ROBO2: variants seen among roughly 807,000 people sequenced by gnomAD.
ROBO2 encodes the protein roundabout homolog 2.
A neutral mutation model predicts 160.8 loss-of-function variants in ROBO2; 53 were observed. The observed-to-expected ratio is 0.33, with a 90% CI of 0.26 to 0.41. ROBO2 has a LOEUF of 0.41. Ranked by LOEUF, ROBO2 falls within the 10% of genes least tolerant of loss-of-function variation. The probability of loss-of-function intolerance (pLI) is 1.00; values close to 1 mark genes in which losing one functional copy is unlikely to be tolerated. For synonymous variants in ROBO2, 664 were observed against 611.7 expected (o/e 1.09, Z -1.26); for missense variants, 1,577 against 1,722.4 (o/e 0.92, Z 1.49).
intron 2 of ROBO2, among the ~76,000 whole-genome samples, chr3:76,629,486 G>A (rs775816380): frequency 6.6e-6 from 1 of 152,136 alleles, no homozygotes; most frequent in Non-Finnish European, 1.5e-5. Flanking sequence ...CTGAGGACAG[G>A]AAGCATCCTG....
chr3:76,986,808 A>C (rs1481182316), intron 2 of ROBO2, among the ~76,000 whole-genome samples: 1 of 152,184 alleles, frequency 6.6e-6, no homozygotes, highest in Admixed American at 6.5e-5. Context: ...TTACATGCGT[A>C]TACATAATTA....
intron 2 of ROBO2, among the ~76,000 whole-genome samples, chr3:76,070,697 T>C (rs1404987816): frequency 6.6e-6 from 1 of 152,122 alleles, no homozygotes; most frequent in East Asian, 1.9e-4. Context: ...TGGCTTGTTT[T>C]AAAGCTGGGC....
rs544701483 is a variant in ROBO2, at chr3:77,184,455, C to T, written c.388+86115C>T. Among the ~76,000 whole-genome samples the T allele has an allele frequency of 3.3e-5, 5 of 151,924 alleles. No homozygotes were observed. The South Asian group carries it at 8.3e-4, about 25-fold the overall frequency. ...ATGAGTGAGTGGAAAAATATATGAT[C>T]CAGAAGTGATGCAGACAGAATGTGA... On this transcript the variant is annotated intron_variant, in intron 2 of 25. Transcript: ENST00000461745.
At chr3:77,322,795 G>A (rs564116862) in intron 2 of ROBO2, among the ~76,000 whole-genome samples, 91 of 125,012 alleles carry the variant, frequency 7.3e-4, no homozygotes, top group African/African-American at 2.6e-3. Context: ...AATATATTAT[G>A]TAATATATTA....
At chr3:76,284,192 A>T (rs35940372) in intron 2 of ROBO2, among the ~76,000 whole-genome samples, 20,682 of 152,050 alleles carry the variant, frequency 0.14, 2,203 homozygotes, top group East Asian at 0.41. Context: ...AAGCTAGCGT[A>T]CACATATAGG....
intron 2 of ROBO2, among the ~76,000 whole-genome samples, chr3:77,246,719 C>G (rs909947783): frequency 1.3e-5 from 2 of 152,060 alleles, no homozygotes; most frequent in Admixed American, 6.6e-5. Flanking sequence ...TACAGATTAC[C>G]TAATATATTC....
intron 2 of ROBO2, among the ~76,000 whole-genome samples, chr3:76,868,308 A>G (rs915629012): frequency 3.3e-5 from 5 of 152,102 alleles, no homozygotes; most frequent in South Asian, 2.1e-4. Context: ...GCTCTTTTAA[A>G]TAATTTTTTC....
intron 2 of ROBO2, among the ~76,000 whole-genome samples, chr3:76,043,458 A>G (rs1035689003): frequency 6.6e-6 from 1 of 151,584 alleles, no homozygotes; most frequent in South Asian, 2.1e-4. Context: ...GAGTAACAAG[A>G]TTACTGAATT....
chr3:76,805,708 G>A (rs2064646558), intron 2 of ROBO2, among the ~76,000 whole-genome samples: 1 of 149,104 alleles, frequency 6.7e-6, no homozygotes, highest in African/African-American at 2.5e-5. Flanking sequence ...GAATTTAAGT[G>A]TATTCCAACC....
chr3:77,527,326 C>A, intron 6 of ROBO2, 77 bp from the exon 7 acceptor site: 2 of 1,075,070 alleles, frequency 1.9e-6, no homozygotes, highest in Non-Finnish European at 2.5e-6. Flanking sequence ...CATTACACAT[C>A]ATGCATTCTG....
intron 2 of ROBO2, among the ~76,000 whole-genome samples, chr3:76,812,600 TATG>T (rs1375067331): frequency 1.3e-5 from 2 of 152,042 alleles, no homozygotes; most frequent in Admixed American, 1.3e-4. Context: ...AATTATGTAT[TATG>T]ATGACTTTTT....
intron 2 of ROBO2, among the ~76,000 whole-genome samples, chr3:77,421,023 G>T (rs535052671): frequency 6.6e-6 from 1 of 152,200 alleles, no homozygotes; most frequent in Non-Finnish European, 1.5e-5. Context: ...TTGTCTACAA[G>T]AAAGTATAGT....
intron 2 of ROBO2, among the ~76,000 whole-genome samples, chr3:76,257,613 C>T (rs1335906726): frequency 6.6e-6 from 1 of 151,658 alleles, no homozygotes; most frequent in Non-Finnish European, 1.5e-5. Context: ...GTGCACAATT[C>T]CTTTCTCTCA....
chr3:76,222,456 C>A (rs1362805347), intron 2 of ROBO2, among the ~76,000 whole-genome samples: 2 of 152,260 alleles, frequency 1.3e-5, no homozygotes, highest in East Asian at 3.9e-4. Flanking sequence ...ATTCCAGGGT[C>A]TTGTGTCACT....
At chr3:76,023,886 A>G (rs2066651270) in intron 2 of ROBO2, among the ~76,000 whole-genome samples, 1 of 151,488 alleles carries the variant, frequency 6.6e-6, no homozygotes, top group African/African-American at 2.4e-5. Flanking sequence ...TACGCTTGCC[A>G]TTGCTCCAGG....
intron 1 of ROBO2, among the ~76,000 whole-genome samples, chr3:77,081,851 A>G (rs145125459): frequency 4.1e-4 from 63 of 152,226 alleles, no homozygotes; most frequent in African/African-American, 1.1e-3. Context: ...CCAAACTCCA[A>G]TGCTTGGGTG....
intron 2 of ROBO2, among the ~76,000 whole-genome samples, chr3:77,459,048 C>T (rs1038583424): frequency 6.6e-6 from 1 of 152,018 alleles, no homozygotes; most frequent in African/African-American, 2.4e-5. Context: ...TGTTTTATTC[C>T]ACCCCACTAG....
intron 2 of ROBO2, among the ~76,000 whole-genome samples, chr3:76,198,203 C>T (rs1362280449): frequency 6.6e-6 from 1 of 151,596 alleles, no homozygotes; most frequent in Non-Finnish European, 1.5e-5. Flanking sequence ...ATCACACCCT[C>T]CTCCCTCAGA....
intron 2 of ROBO2, among the ~76,000 whole-genome samples, chr3:76,175,971 T>A (rs146245186): frequency 1.3e-5 from 2 of 152,232 alleles, no homozygotes; most frequent in African/African-American, 4.8e-5. Context: ...TCAGCCAGAA[T>A]TTTTTATTTT....
Sources: gnomAD v4.1 joint callset for allele counts (sites outside exome capture counted in the v4.1 genomes callset) on GRCh38, gnomAD v4.1.1 for gene constraint, MANE v1.5 for transcripts, NCBI Gene and HGNC (gene_info 2026-07-23, HGNC 2026-07-21) for gene names.